RIT1: variants seen among roughly 807,000 people sequenced by gnomAD.
RIT1 encodes the protein GTP-binding protein Rit1.
RIT1 carries 6 observed loss-of-function variants against 25.6 expected under a neutral mutation model. The observed-to-expected ratio is 0.23, with a 90% confidence interval of 0.13 to 0.46. The LOEUF (loss-of-function observed/expected upper bound fraction) is 0.46. RIT1 is among the 20% of genes least tolerant of loss of function. The probability of loss-of-function intolerance (pLI) is 0.99; values close to 1 mark genes in which losing one functional copy is unlikely to be tolerated. For missense variants in RIT1, 219 were observed against 284.4 expected, an observed-to-expected ratio of 0.77 and a Z score of 1.65; for synonymous variants, 81 against 94.1, an observed-to-expected ratio of 0.86 and a Z score of 0.80.
intron 3 of RIT1, among the ~76,000 whole-genome samples, chr1:155,906,802 A>G (rs1488356692): frequency 1.3e-5 from 2 of 151,536 alleles, no homozygotes; most frequent in African/African-American, 2.4e-5. Flanking sequence ...AGAAAAAAAA[A>G]GAAAGAAAAT....
Position 155,904,517 on chromosome 1 carries a change from G to C in RIT1, c.238-15C>G, listed in dbSNP as rs760298603. The C allele has an allele frequency of 6.2e-7, 1 of 1,604,636 alleles. No individual in the cohort carries two copies. Among genetic ancestry groups the C allele is most frequent in the East Asian group, 2.2e-5 (1 of 44,656 alleles). On this transcript the variant is annotated splice_polypyrimidine_tract_variant and intron_variant, in intron 4 of 5. Transcript: ENST00000368323. ...GTAAACTCTGCCTAGAGGGAAACAA[G>C]GGTCATTATGTATTGACGCAATCTA...
At chr1:155,900,983 T>C (rs1673301069) in intron 5 of RIT1, among the ~76,000 whole-genome samples, 1 of 152,038 alleles carries the variant, frequency 6.6e-6, no homozygotes, top group African/African-American at 2.4e-5. Context: ...ACCTGGCTAA[T>C]TTTGTATTTT....
At chr1:155,907,617 C>A (rs1279339771) in intron 3 of RIT1, among the ~76,000 whole-genome samples, 1 of 152,330 alleles carries the variant, frequency 6.6e-6, no homozygotes, top group Middle Eastern at 3.4e-3. Flanking sequence ...ACAGCCAGAG[C>A]TTGAAATCAA....
chr1:155,910,602 G>A (rs1673574809), intron 2 of RIT1, 54 bp downstream of exon 2: 4 of 1,607,478 alleles, frequency 2.5e-6, no homozygotes, highest in Admixed American at 1.7e-5. Flanking sequence ...ATCCCATCTG[G>A]TCATTTAAGT....
Position 155,900,048 on chromosome 1 carries a change from G to C in RIT1, c.*340C>G, listed in dbSNP as rs201613012. The C allele has an allele frequency of 6.6e-4, 201 of 302,822 alleles. No individual in the cohort carries two copies. The highest frequency in any genetic ancestry group is 4.1e-3 in the East Asian group (77 of 18,804). The allele number at this position is 302,822 out of a possible 1,614,324, so 18.8% of individuals were successfully genotyped here. ...AAATTAAAGGATAATGTGGAGTGCA[G>C]AGCCAAAAACTTCCCTTGTGAACTT... On this transcript the variant is annotated 3_prime_UTR_variant, in exon 6 of 6. Transcript: ENST00000368323.
chr1:155,910,170 G>C (rs1057391222), intron 3 of RIT1: 8 of 334,952 alleles, frequency 2.4e-5, no homozygotes, highest in Admixed American at 9.2e-5. Context: ...GCAAGAAAAG[G>C]CTTCGTTAAG....
intron 5 of RIT1, among the ~76,000 whole-genome samples, chr1:155,903,788 C>T (rs1337717927): frequency 6.6e-6 from 1 of 152,202 alleles, no homozygotes; most frequent in African/African-American, 2.4e-5. Context: ...GCAGGAGGAT[C>T]ACTTGAGTCC....
At chr1:155,903,380 G>C (rs1324686029) in intron 5 of RIT1, among the ~76,000 whole-genome samples, 1 of 149,998 alleles carries the variant, frequency 6.7e-6, no homozygotes, top group Non-Finnish European at 1.5e-5. Context: ...TTGAACCCAG[G>C]AGGAGGAGGT....
chr1:155,900,696 T>A, intron 5 of RIT1, 78 bp from the exon 6 acceptor site: 1 of 1,139,690 alleles, frequency 8.8e-7, no homozygotes, highest in Non-Finnish European at 1.3e-6. Context: ...ACCACCACCT[T>A]AACACAAAGA....
chr1:155,910,517 A>T lies in RIT1; in HGVS notation c.107-11T>A. ...ACTGCATGGTCATGGCTTCAAAAGA[A>T]GAAATAAAAGTCAAATCCTCACAAA... On this transcript the variant is annotated splice_polypyrimidine_tract_variant and intron_variant, in intron 2 of 5. Transcript: ENST00000368323. 6.2e-7 allele frequency: 1 copy of T among 1,614,082 alleles called. No homozygotes were observed. Among genetic ancestry groups the T allele is most frequent in the Non-Finnish European group, 8.5e-7 (1 of 1,179,948 alleles).
At chr1:155,908,897 T>C (rs1673514962) in intron 3 of RIT1, among the ~76,000 whole-genome samples, 1 of 151,954 alleles carries the variant, frequency 6.6e-6, no homozygotes, top group Non-Finnish European at 1.5e-5. Flanking sequence ...TTTGATATAG[T>C]ACATGAAAAA....
At chr1:155,905,381 G>T (rs1318705343) in intron 3 of RIT1, among the ~76,000 whole-genome samples, 2 of 151,722 alleles carry the variant, frequency 1.3e-5, no homozygotes, top group African/African-American at 2.4e-5. Flanking sequence ...TGTATTTTTG[G>T]TAGACATAGG....
chr1:155,904,776 A>G lies in RIT1; in HGVS notation c.192T>C (p.Ile64=). ...TGTCCAGATTGGCAGGCTCATCATCAATACGGATCCTGATCTTATAAGCAT... is the reference window on the plus strand; with the variant it reads ...TGTCCAGATTGGCAGGCTCATCATCGATACGGATCCTGATCTTATAAGCAT... ...IEDAYKIRIR[I]DDEPANLDIL... is the part of the protein sequence containing the mutation. The change falls in exon 4 of 6, where the codon ATT becomes ATC. Residue 64 remains isoleucine, a synonymous_variant. Coordinates refer to ENST00000368323, the MANE Select transcript of RIT1 (RefSeq NM_006912.6). 1 of 1,612,408 alleles carries G rather than the reference A, an allele frequency of 6.2e-7. No individual in the cohort carries two copies. The highest frequency in any genetic ancestry group is 8.5e-7 in the Non-Finnish European group (1 of 1,178,478).
At chr1:155,905,292 G>T (rs1378044291) in intron 3 of RIT1, among the ~76,000 whole-genome samples, 1 of 151,894 alleles carries the variant, frequency 6.6e-6, no homozygotes, top group East Asian at 1.9e-4. Flanking sequence ...GACTTCCCAG[G>T]CTCCAGTGAT....
intron 3 of RIT1, chr1:155,910,156 G>A (rs1409164580): frequency 3.2e-6 from 1 of 309,228 alleles, no homozygotes; most frequent in Non-Finnish European, 6.1e-6. Context: ...TTAGAGAAGT[G>A]ACAGCAAGAA....
intron 3 of RIT1, among the ~76,000 whole-genome samples, chr1:155,906,053 G>A (rs979695670): frequency 1.3e-5 from 2 of 151,866 alleles, no homozygotes; most frequent in African/African-American, 4.8e-5. Flanking sequence ...GGTCTTGAAC[G>A]CCTGACCTCA....
intron 3 of RIT1, among the ~76,000 whole-genome samples, chr1:155,909,853 C>T (rs1256742492): frequency 7.3e-6 from 1 of 137,248 alleles, no homozygotes; most frequent in Non-Finnish European, 1.5e-5. Context: ...ACCCGGGAGG[C>T]GGAGGTTACA....
chr1:155,898,022 A>T lies in RIT1; in HGVS notation c.*2366T>A, dbSNP rs1175862841. 6.6e-6 allele frequency: 1 copy of T among 152,330 alleles called. No individual in the cohort carries two copies. Among genetic ancestry groups the T allele is most frequent in the African/African-American group, 2.4e-5 (1 of 41,444 alleles). The allele number at this position is 152,330 out of a possible 1,614,324, so 9.4% of individuals were successfully genotyped here. A position where few individuals can be genotyped will look rare whatever the true frequency, so the allele number is the denominator to read the frequency against. ...AATTTACCGGTCTGGTATGGACATGAACAGTTCCAGTGCCTTTCAACTTAT... is the reference window on the plus strand; with the variant it reads ...AATTTACCGGTCTGGTATGGACATGTACAGTTCCAGTGCCTTTCAACTTAT... On this transcript the variant is annotated 3_prime_UTR_variant, in exon 6 of 6. Transcript: ENST00000368323.
In RIT1 at chr1:155,910,709, A is replaced by T; in HGVS notation, c.53T>A (p.Leu18His). The change falls in exon 2 of 6, where the codon CTC becomes CAC. Residue 18 changes from leucine (L) to histidine (H), a missense_variant. Transcript: ENST00000368323. ...CATCACTAGTTTGTACTCCCGTGAG[A>T]GCCCAGCGGGGCTGCTACAGCAGCT... is the stretch of plus-strand genomic sequence containing the variant. ...VGSCCSSPAG[L>H]SREYKLVMLG... The T allele has an allele frequency of 6.2e-7, 1 of 1,614,260 alleles. No homozygotes were observed. Among genetic ancestry groups the T allele is most frequent in the Non-Finnish European group, 8.5e-7 (1 of 1,180,044 alleles).
Sources: allele counts gnomAD v4.1 joint callset (sites outside exome capture counted in the v4.1 genomes callset), GRCh38; gene constraint gnomAD v4.1.1; transcripts MANE v1.5; gene names NCBI Gene and HGNC (gene_info 2026-07-23, HGNC 2026-07-21).